TTLL8: variants seen among roughly 807,000 people sequenced by gnomAD.
TTLL8 encodes the protein tubulin tyrosine ligase like 8.
In TTLL8, 65 loss-of-function variants were observed where a neutral mutation model predicts 77.8. The ratio of observed to expected loss-of-function variants is 0.84; its 90% CI spans 0.68 to 1.03. TTLL8 has a LOEUF of 1.03. Ranked by LOEUF, TTLL8 falls within the 50% of genes least tolerant of loss-of-function variation. The pLI is 0.00. For missense variants in TTLL8, 910 were observed against 1,004.5 expected (o/e 0.91, Z 1.27); for synonymous variants, 402 against 422.8 (o/e 0.95, Z 0.60).
chr22:50,057,905 G>A (rs1017683771), upstream of TTLL8, among the ~76,000 whole-genome samples: 3 of 151,884 alleles, frequency 2.0e-5, no homozygotes. Flanking sequence ...CTGGGCTTTC[G>A]AGGGCGGGCG....
chr22:50,030,478 C>G (rs738333), exon 12 of TTLL8: 523,211 of 1,340,384 alleles, frequency 0.39, 104,506 homozygotes, highest in South Asian at 0.44. Context: ...GTCTTCAGGC[C>G]CCGCAGCACA....
At chr22:50,030,535 C>A (rs2061280737) in exon 12 of TTLL8, 1 of 1,325,612 alleles carries the variant, frequency 7.5e-7, no homozygotes. Context: ...CAGCTTTTGG[C>A]GGGCTGGGCT....
At chr22:50,039,508 G>A (rs188111717) in intron 8 of TTLL8, among the ~76,000 whole-genome samples, 104 of 152,282 alleles carry the variant, frequency 6.8e-4, no homozygotes, top group Non-Finnish European at 1.1e-3. Context: ...CCTCAACCAG[G>A]AGAAATACAA....
At chr22:50,053,110 T>C (rs1459186591) in intron 1 of TTLL8, among the ~76,000 whole-genome samples, 1 of 151,626 alleles carries the variant, frequency 6.6e-6, no homozygotes, top group Non-Finnish European at 1.5e-5. Flanking sequence ...TAGTCCCAGC[T>C]ACTCAGGAGG....
exon 12 of TTLL8, chr22:50,030,773 C>G: frequency 7.4e-7 from 1 of 1,345,206 alleles, no homozygotes; most frequent in Non-Finnish European, 9.9e-7. Flanking sequence ...CTGGCATGGC[C>G]GAGGGGCCCC....
At chr22:50,056,710 G>A (rs575737167), upstream of TTLL8, 20 of 978,340 alleles carry the variant, frequency 2.0e-5, no homozygotes, top group South Asian at 1.4e-4. The surrounding 1 kb of genome is among the most constrained non-coding windows in gnomAD (Gnocchi z 4.1). Flanking sequence ...GGGGTCCTCC[G>A]CCTGGACCGT....
At chr22:50,052,337 T>A (rs1017351731) in intron 1 of TTLL8, among the ~76,000 whole-genome samples, 4 of 151,930 alleles carry the variant, frequency 2.6e-5, no homozygotes, top group Admixed American at 1.3e-4. Flanking sequence ...GAAAAATGGA[T>A]GGGCAGAATA....
Position 50,026,492 on chromosome 22 carries a change from G to A in TTLL8, c.2203+3938C>T, listed in dbSNP as rs368998590. 1.4e-4 allele frequency among the ~76,000 whole-genome samples: 21 copies of A among 150,318 alleles called. No homozygotes were observed. In the East Asian group the frequency reaches 2.1e-3, roughly 15 times the overall value. ...ACCTCAGAGTGGAGGGTCAGACACGGAAATACACCCGCCATTCTGCACCGC... is the reference window on the plus strand; with the variant it reads ...ACCTCAGAGTGGAGGGTCAGACACGAAAATACACCCGCCATTCTGCACCGC... On this transcript the variant is annotated intron_variant, in intron 12 of 13. Coordinates refer to ENST00000266182, the Ensembl canonical transcript of TTLL8.
intron 8 of TTLL8, among the ~76,000 whole-genome samples, chr22:50,037,967 A>G (rs1390519826): frequency 6.6e-6 from 1 of 152,164 alleles, no homozygotes; most frequent in Non-Finnish European, 1.5e-5. Flanking sequence ...GAGAAAAACA[A>G]ACATCTCTAC....
intron 10 of TTLL8, 34 bp downstream of exon 11, chr22:50,033,168 G>A (rs994019638): frequency 1.6e-5 from 21 of 1,300,432 alleles, no homozygotes; most frequent in Non-Finnish European, 2.0e-5. Context: ...CCCATTCCCT[G>A]GCCCGAGGTG....
At chr22:50,045,083 G>A (rs992635513) in intron 6 of TTLL8, 172 bp downstream of exon 8, 36 of 570,416 alleles carry the variant, frequency 6.3e-5, no homozygotes, top group Non-Finnish European at 7.8e-5. Flanking sequence ...TTAGCCCCAC[G>A]GTTAGAACAG....
At chr22:50,056,260 C>T (rs1270399680), upstream of TTLL8, among the ~76,000 whole-genome samples, 1 of 152,132 alleles carries the variant, frequency 6.6e-6, no homozygotes, top group Non-Finnish European at 1.5e-5. The surrounding 1 kb of genome is among the most constrained non-coding windows in gnomAD (Gnocchi z 4.1). Context: ...GTCCCGGAAC[C>T]GCACTCCGAG....
At chr22:50,045,226 T>C in intron 6 of TTLL8, 29 bp downstream of exon 8, 1 of 1,342,524 alleles carries the variant, frequency 7.4e-7, no homozygotes, top group Non-Finnish European at 9.8e-7. Flanking sequence ...TCTGGTGGCC[T>C]GGCACTGCCC....
upstream of TTLL8, among the ~76,000 whole-genome samples, chr22:50,057,584 G>A (rs868510580): frequency 2.4e-5 from 2 of 82,296 alleles, no homozygotes; most frequent in Non-Finnish European, 2.3e-5. Context: ...TCAGGTCTGG[G>A]TTGAGGGTCA....
At chr22:50,057,992 G>A (rs991622706), upstream of TTLL8, among the ~76,000 whole-genome samples, 15 of 151,866 alleles carry the variant, frequency 9.9e-5, no homozygotes, top group African/African-American at 3.4e-4. Flanking sequence ...CCTAGGGTAA[G>A]GGGTCTAGAA....
chr22:50,027,288 CTT>C (rs1320489397), intron 12 of TTLL8, among the ~76,000 whole-genome samples: 1 of 150,442 alleles, frequency 6.6e-6, no homozygotes, highest in African/African-American at 2.5e-5. Flanking sequence ...AATCCCAACA[CTT>C]TGGGAGGCCA....
In TTLL8 at chr22:50,044,678, T is replaced by A. The variant is rs2061397027; in HGVS notation, c.643+577A>T. 6.6e-6 allele frequency among the ~76,000 whole-genome samples: 1 copy of A among 152,194 alleles called. No homozygotes were observed. The highest frequency in any genetic ancestry group is 1.5e-5 in the Non-Finnish European group (1 of 68,046). On this transcript the variant is annotated intron_variant, in intron 6 of 13. Coordinates refer to ENST00000266182, the Ensembl canonical transcript of TTLL8. This position sits in a 1 kb window ranked among gnomAD's most constrained non-coding sequence, Gnocchi z 4.2. ...AAGCGCACTGCTCTGGTGGGGGATG[T>A]TGGCGGTGCAGGAGGCGCGGGGGCA...
chr22:50,024,847 G>A (rs1185824925), intron 12 of TTLL8, among the ~76,000 whole-genome samples: 1 of 152,236 alleles, frequency 6.6e-6, no homozygotes, highest in African/African-American at 2.4e-5. Flanking sequence ...AGTCCCAGCA[G>A]GTTGTTTCAG....
intron 1 of TTLL8, among the ~76,000 whole-genome samples, chr22:50,052,069 G>A (rs868739199): frequency 6.6e-6 from 1 of 151,934 alleles, no homozygotes; most frequent in Non-Finnish European, 1.5e-5. Context: ...TGGGAACCCC[G>A]AGTCTGAGTC....
Sources: gnomAD v4.1 joint callset for allele counts (sites outside exome capture counted in the v4.1 genomes callset) on GRCh38, gnomAD v4.1.1 for gene constraint, Gnocchi (gnomAD v3.1) non-coding constraint, MANE v1.5 for transcripts, NCBI Gene and HGNC (gene_info 2026-07-23, HGNC 2026-07-21) for gene names.